Variants in PTPRB observed in about 807,000 individuals in gnomAD.
PTPRB encodes the protein protein tyrosine phosphatase receptor type B.
In PTPRB, 97 loss-of-function variants were observed where a neutral mutation model predicts 238.1. That is an observed-to-expected ratio of 0.41 (90% CI 0.35 to 0.48). The LOEUF is 0.48. PTPRB is among the 20% of genes least tolerant of loss of function. The pLI, the probability that PTPRB is intolerant of heterozygous loss-of-function variation, is 0.30. For synonymous variants in PTPRB, 970 were observed against 995.4 expected (o/e 0.97, Z 0.48); for missense variants, 2,292 against 2,681.9 (o/e 0.85, Z 3.21).
In PTPRB at chr12:70,520,201, A is replaced by G. The variant is rs750340516; in HGVS notation, c.*1288T>C. ...AACTCCTTTCAAATTTTTCCCAGGA[A>G]TGCTGTCGGAACTGGACCTTGATGA... is the stretch of plus-strand genomic sequence containing the variant. On this transcript the variant is annotated 3_prime_UTR_variant, in exon 34 of 34. Transcript: ENST00000334414. The G allele has an allele frequency of 4.2e-6, 2 of 480,412 alleles. No individual in the cohort carries two copies. The highest frequency in any genetic ancestry group is 4.2e-6 in the Non-Finnish European group (1 of 238,700). The allele number at this position is 480,412 out of a possible 1,614,324, so 29.8% of individuals were successfully genotyped here.
At chr12:70,534,464 A>G (rs979849417) in intron 31 of PTPRB, 24 bp downstream of exon 31, 2 of 1,606,736 alleles carry the variant, frequency 1.2e-6, no homozygotes, top group Non-Finnish European at 1.7e-6. Context: ...CTGCCATTTT[A>G]TTGGCTGCTA....
At chr12:70,526,860 C>G (rs1164316167) in intron 32 of PTPRB, among the ~76,000 whole-genome samples, 3 of 152,158 alleles carry the variant, frequency 2.0e-5, no homozygotes, top group Non-Finnish European at 1.5e-5. Context: ...TTAATAAATT[C>G]TTTAACAATG....
At chr12:70,522,863 C>CTTTTTTTTTTTTTTTTT (rs35913444) in intron 33 of PTPRB, among the ~76,000 whole-genome samples, 5 of 118,238 alleles carry the variant, frequency 4.2e-5, no homozygotes, top group Non-Finnish European at 6.6e-5. Flanking sequence ...TTTGTTTTTT[C>CTTTTTTTTTTTTTTTTT]TTTTTTTTTT....
rs1565910998 is a variant in PTPRB at position 70,536,155 on chromosome 12, T to C, written c.5951A>G (p.Asn1984Ser). Residue 1984 changes from asparagine to serine, a missense_variant, in exon 29 of 34, where the codon AAC becomes AGC. This residue lies in a region of PTPRB where 397 missense variants were observed against 502.0 expected (regional missense o/e 0.79). Transcript: ENST00000334414. ...GACAATGTATTCTCTTCTGAAGTTG[T>C]TGCCCTGCAATGAATTTACAATATG... ...DYINASYIPGNNFRREYIVTQ... is the reference protein window; with the variant it reads ...DYINASYIPGSNFRREYIVTQ... 1.2e-6 allele frequency: 2 copies of C among 1,612,908 alleles called. No individual in the cohort carries two copies. The highest frequency in any genetic ancestry group is 8.5e-7 in the Non-Finnish European group (1 of 1,179,350).
intron 21 of PTPRB, among the ~76,000 whole-genome samples, chr12:70,551,654 A>C (rs541846442): frequency 2.0e-5 from 3 of 152,234 alleles, no homozygotes; most frequent in African/African-American, 7.2e-5. Context: ...GGAAAACCTA[A>C]TTTACTGCCA....
chr12:70,590,340 CA>C, intron 7 of PTPRB, 107 bp from the exon 8 acceptor site: 8 of 1,141,720 alleles, frequency 7.0e-6, no homozygotes, highest in Non-Finnish European at 9.8e-6. Context: ...ATCTGCAGTT[CA>C]AAACATTTCT....
chr12:70,611,901 G>A (rs1048942416), intron 3 of PTPRB, among the ~76,000 whole-genome samples: 1 of 152,174 alleles, frequency 6.6e-6, no homozygotes, highest in Admixed American at 6.5e-5. Context: ...CTCATCAGTG[G>A]CAGGGGTCCC....
chr12:70,623,849 C>T (rs1885055500), intron 2 of PTPRB, among the ~76,000 whole-genome samples: 1 of 152,136 alleles, frequency 6.6e-6, no homozygotes, highest in Non-Finnish European at 1.5e-5. Flanking sequence ...TTCTGCCTTA[C>T]TTAGCCCTCT....
intron 9 of PTPRB, among the ~76,000 whole-genome samples, chr12:70,586,198 T>G (rs1222928857): frequency 6.6e-6 from 1 of 152,200 alleles, no homozygotes; most frequent in Non-Finnish European, 1.5e-5. Flanking sequence ...GTATTTCTAG[T>G]TCTAGATCCT....
intron 29 of PTPRB, among the ~76,000 whole-genome samples, chr12:70,535,250 T>TCCC (rs1439865431): frequency 9.7e-6 from 1 of 103,348 alleles, no homozygotes; most frequent in African/African-American, 3.8e-5. Flanking sequence ...TTTTTTTTTT[T>TCCC]CCCCTCAGCA....
At position 70,622,419 on chromosome 12, in the gene PTPRB, T is replaced by A; in HGVS notation, c.679A>T (p.Thr227Ser). Residue 227 changes from threonine (T) to serine (S), a missense_variant, in exon 3 of 34, where the codon ACT becomes TCT. Thr to Ser is a moderately conservative substitution (Grantham distance 58). Around this residue, in one of 4 missense-constraint regions of PTPRB, gnomAD observed 1,205 missense variants for 1,287.8 expected, o/e 0.94. Transcript: ENST00000334414. Reference protein sequence around the residue: ...ITDTSWVLSTTQPFSSTTEET... With the variant: ...ITDTSWVLSTSQPFSSTTEET... ...TCAGTGGTGCTGGAGAAGGGCTGAGTAGTCGACAAAACCCATGATGTGTCT... is the reference window on the plus strand; with the variant it reads ...TCAGTGGTGCTGGAGAAGGGCTGAGAAGTCGACAAAACCCATGATGTGTCT... 5.0e-6 allele frequency: 8 copies of A among 1,612,224 alleles called. No homozygotes were observed. Among genetic ancestry groups the A allele is most frequent in the Non-Finnish European group, 5.9e-6 (7 of 1,179,556 alleles).
At chr12:70,627,951 C>T (rs1210316272) in intron 2 of PTPRB, among the ~76,000 whole-genome samples, 1 of 152,106 alleles carries the variant, frequency 6.6e-6, no homozygotes, top group Non-Finnish European at 1.5e-5. Context: ...ACTTTTTTCC[C>T]AAGGGTGTAT....
chr12:70,517,034 G>T lies in PTPRB; in HGVS notation c.*4455C>A, dbSNP rs1191754020. On this transcript the variant is annotated 3_prime_UTR_variant, in exon 34 of 34. Transcript: ENST00000334414. ...CTAGAAACATTTTTAGAACAGAACAGATTTTTCCTGTTATCATGGCTGCAT... is the reference window on the plus strand; with the variant it reads ...CTAGAAACATTTTTAGAACAGAACATATTTTTCCTGTTATCATGGCTGCAT... The T allele has an allele frequency of 6.6e-6, 1 of 152,180 alleles. No homozygotes were observed. The highest frequency in any genetic ancestry group is 1.5e-5 in the Non-Finnish European group (1 of 68,028). 9.4% of individuals were successfully genotyped at this position (152,180 alleles called of 1,614,324 possible).
intron 3 of PTPRB, among the ~76,000 whole-genome samples, chr12:70,609,608 G>T (rs146286620): frequency 4.4e-4 from 67 of 152,274 alleles, no homozygotes; most frequent in Non-Finnish European, 7.6e-4. Flanking sequence ...GGGTTGGGGG[G>T]CTCACCAGAG....
In PTPRB at chr12:70,581,843, TAAC is replaced by T. The variant is rs907365748; in HGVS notation, c.2312-544_2312-542del. ...TATATATATTAAAAAATAATGATAA[TAAC>T]AACAACTACTGAAGGCCTACTATGT... On this transcript the variant is annotated intron_variant, in intron 9 of 33. Transcript: ENST00000334414. Among the ~76,000 whole-genome samples the T allele has an allele frequency of 6.6e-5, 10 of 151,138 alleles. No individual in the cohort carries two copies. In the East Asian group the frequency reaches 9.6e-4, roughly 15 times the overall value.
intron 15 of PTPRB, 35 bp from the exon 16 acceptor site, chr12:70,563,142 G>A (rs1374241358): frequency 1.9e-6 from 3 of 1,574,650 alleles, no homozygotes; most frequent in Non-Finnish European, 2.6e-6. Context: ...ATGAGGGAGG[G>A]AAATGCAGTG....
At position 70,596,154 on chromosome 12, in the gene PTPRB, C is replaced by T. The variant is rs1882991707; in HGVS notation, c.1153G>A (p.Glu385Lys). The T allele has an allele frequency of 6.2e-7, 1 of 1,613,550 alleles. No homozygotes were observed. Among genetic ancestry groups the T allele is most frequent in the African/African-American group, 1.3e-5 (1 of 74,968 alleles). The change falls in exon 5 of 34, where the codon GAA becomes AAA. Residue 385 changes from glutamate to lysine, a missense_variant. This residue lies in a region of PTPRB where 1,205 missense variants were observed against 1,287.8 expected (regional missense o/e 0.94). Transcript: ENST00000334414. ...GCAGTGAGATTGAAAAAAGTGTATT[C>T]ATTCCATGAAGTACTTTCTTGAATT... ...VQIQESTSWN[E>K]YTFFNLTAGS...
chr12:70,613,975 C>A (rs914569368), intron 3 of PTPRB, among the ~76,000 whole-genome samples: 1 of 151,984 alleles, frequency 6.6e-6, no homozygotes, highest in South Asian at 2.1e-4. Flanking sequence ...AGAAAAGATT[C>A]ATTTTGAAGA....
At position 70,519,074 on chromosome 12, in the gene PTPRB, G is replaced by C. The variant is rs1231801934; in HGVS notation, c.*2415C>G. ...AGGAGCGAATAGTGAAATATTTGTT[G>C]CTAAGAAGGTTTAAAATTAGGTGTA... is the stretch of plus-strand genomic sequence containing the variant. On this transcript the variant is annotated 3_prime_UTR_variant, in exon 34 of 34. Coordinates refer to ENST00000334414, the MANE Select transcript of PTPRB (RefSeq NM_001109754.4). 6.6e-6 allele frequency: 1 copy of C among 152,028 alleles called. No homozygotes were observed. The allele number at this position is 152,028 out of a possible 1,614,324, so 9.4% of individuals were successfully genotyped here.
Sources: gnomAD v4.1 joint callset for allele counts (sites outside exome capture counted in the v4.1 genomes callset) on GRCh38, gnomAD v4.1.1 for gene constraint, gnomAD v4.1.1 regional missense constraint, MANE v1.5 for transcripts, NCBI Gene and HGNC (gene_info 2026-07-23, HGNC 2026-07-21) for gene names.